Variants in ACBD3 observed in about 807,000 individuals in gnomAD.
The protein encoded by ACBD3 is Golgi resident protein GCP60.
A neutral mutation model predicts 66.9 loss-of-function variants in ACBD3; 30 were observed. The ratio of observed to expected loss-of-function variants is 0.45; its 90% CI spans 0.34 to 0.61. The LOEUF is 0.61. Ranked by LOEUF, ACBD3 falls within the 20% of genes least tolerant of loss-of-function variation. ACBD3 has a pLI of 0.02. For synonymous variants in ACBD3, 278 were observed against 259.8 expected (o/e 1.07, Z -0.68); for missense variants, 544 against 664.5 (o/e 0.82, Z 1.99).
intron 1 of ACBD3, among the ~76,000 whole-genome samples, chr1:226,182,061 T>C (rs1402966280): frequency 6.6e-6 from 1 of 151,800 alleles, no homozygotes; most frequent in African/African-American, 2.4e-5. Context: ...AAGACCTCTG[T>C]CTCTACAAAA....
Position 226,154,818 on chromosome 1 carries a change from G to C in ACBD3, c.919C>G (p.Gln307Glu), listed in dbSNP as rs1346657928. 6.2e-7 allele frequency: 1 copy of C among 1,606,692 alleles called. No homozygotes were observed. Among genetic ancestry groups the C allele is most frequent in the Admixed American group, 1.7e-5 (1 of 58,958 alleles). Reference sequence around the variant, plus strand: ...GACCCAGCCACTACTACTTCCTGTTGTTTCTGTAATGCTGCCTACAAACCA... The same window carrying C: ...GACCCAGCCACTACTACTTCCTGTTCTTTCTGTAATGCTGCCTACAAACCA... ...LAQQQAALQKQQEVVVAGSSL... is the reference protein window; with the variant it reads ...LAQQQAALQKEQEVVVAGSSL... The change falls in exon 6 of 8, where the codon CAA becomes GAA. Residue 307 changes from glutamine to glutamate, a missense_variant. This residue lies in a region of ACBD3 where 383 missense variants were observed against 462.4 expected (regional missense o/e 0.83). Coordinates refer to ENST00000366812, the MANE Select transcript of ACBD3 (RefSeq NM_022735.4).
chr1:226,152,345 C>G lies in ACBD3; in HGVS notation c.1365G>C (p.Glu455Asp), dbSNP rs201638495. The G allele has an allele frequency of 4.0e-4, 642 of 1,613,940 alleles. No homozygotes were observed. The highest frequency in any genetic ancestry group is 1.1e-3 in the Admixed American group (65 of 60,010). The change falls in exon 7 of 8, where the codon GAG (glutamate) becomes GAC (aspartate). Residue 455 changes from glutamate to aspartate, a missense_variant. Physicochemically the swap from Glu to Asp is conservative, Grantham distance 45 (BLOSUM62 2). Transcript: ENST00000366812. Reference protein sequence around the residue: ...VHVSESSDDDEEEEENIGCEE... With the variant: ...VHVSESSDDDDEEEENIGCEE... Reference sequence around the variant, plus strand: ...GACCAAGGGTTCTACCTTCTTCCTCCTCGTCGTCATCGCTGGACTCACTGA... The same window carrying G: ...GACCAAGGGTTCTACCTTCTTCCTCGTCGTCGTCATCGCTGGACTCACTGA...
At chr1:226,181,299 G>A (rs1309279946) in intron 1 of ACBD3, among the ~76,000 whole-genome samples, 1 of 152,166 alleles carries the variant, frequency 6.6e-6, no homozygotes, top group South Asian at 2.1e-4. Flanking sequence ...TGTTTCCAAT[G>A]AATAAATTAC....
intron 1 of ACBD3, among the ~76,000 whole-genome samples, chr1:226,184,050 G>T (rs1644927633): frequency 6.6e-6 from 1 of 152,066 alleles, no homozygotes; most frequent in Non-Finnish European, 1.5e-5. Flanking sequence ...AATTAGCCGG[G>T]CGTGGTGGTG....
At position 226,145,128 on chromosome 1, in the gene ACBD3, T is replaced by C. The variant is rs1659423046; in HGVS notation, c.*1482A>G. 6.6e-6 allele frequency: 1 copy of C among 150,804 alleles called. No homozygotes were observed. Among genetic ancestry groups the C allele is most frequent in the Non-Finnish European group, 1.5e-5 (1 of 67,598 alleles). 9.3% of individuals were successfully genotyped at this position (150,804 alleles called of 1,614,324 possible). A position where few individuals can be genotyped will look rare whatever the true frequency, so the allele number is the denominator to read the frequency against. On this transcript the variant is annotated 3_prime_UTR_variant, in exon 8 of 8. Coordinates refer to ENST00000366812, the MANE Select transcript of ACBD3 (RefSeq NM_022735.4). ...GCTGGGACTACTTCTGAATCAAAAT[T>C]AAAAAACACAAATTAAGCACTGCTT...
rs778350902 is a variant in ACBD3, at chr1:226,152,468, T to C, written c.1242A>G (p.Ser414=). The C allele has an allele frequency of 2.7e-5, 43 of 1,614,088 alleles. No homozygotes were observed. Among genetic ancestry groups the C allele is most frequent in the Middle Eastern group, 3.3e-4 (2 of 6,084 alleles). The part of the protein sequence containing the change: ...TVRVPTHEEG[S]YLFWEFATDN... ...CTGTGGCAAATTCCCAAAAGAGATATGATCCTTCTTCATGGGTGGGTACTC... is the reference window on the plus strand; with the variant it reads ...CTGTGGCAAATTCCCAAAAGAGATACGATCCTTCTTCATGGGTGGGTACTC... Residue 414 remains serine (S), a synonymous_variant, in exon 7 of 8, where the codon TCA becomes TCG. Transcript: ENST00000366812.
At chr1:226,172,232 T>C (rs1655839694) in intron 1 of ACBD3, among the ~76,000 whole-genome samples, 1 of 151,036 alleles carries the variant, frequency 6.6e-6, no homozygotes. Context: ...CTCTGTGAAC[T>C]TCAGTGCTTA....
At chr1:226,184,062 G>A (rs1424093015) in intron 1 of ACBD3, among the ~76,000 whole-genome samples, 5 of 151,060 alleles carry the variant, frequency 3.3e-5, no homozygotes, top group Admixed American at 6.6e-5. Context: ...GTGGTGGTGG[G>A]CACCTGTAGT....
Position 226,154,842 on chromosome 1 carries a change from CA to C in ACBD3, c.904-10del, listed in dbSNP as rs1451067926. The C allele has an allele frequency of 6.9e-6, 11 of 1,594,882 alleles. No homozygotes were observed. The highest frequency in any genetic ancestry group is 9.4e-6 in the Non-Finnish European group (11 of 1,169,628). On this transcript the variant is annotated splice_polypyrimidine_tract_variant and intron_variant, in intron 5 of 7. Transcript: ENST00000366812. ...TGTTTCTGTAATGCTGCCTACAAAC[CA>C]AGAGAAAGTGAAGACACACTGACCA...
intron 7 of ACBD3, among the ~76,000 whole-genome samples, chr1:226,147,037 G>A (rs1054666488): frequency 6.6e-6 from 1 of 152,048 alleles, no homozygotes; most frequent in Non-Finnish European, 1.5e-5. Flanking sequence ...GATTACAGGC[G>A]TGCACCACTA....
intron 1 of ACBD3, among the ~76,000 whole-genome samples, chr1:226,179,987 A>G (rs908432246): frequency 5.3e-5 from 8 of 152,042 alleles, no homozygotes; most frequent in Non-Finnish European, 1.0e-4. Context: ...CCTAGCCAAC[A>G]TAGTGAAACC....
Position 226,164,932 on chromosome 1 carries a change from G to A in ACBD3, c.429-3C>T, listed in dbSNP as rs1442922228. On this transcript the variant is annotated splice_region_variant and splice_polypyrimidine_tract_variant and intron_variant, in intron 2 of 7. Coordinates refer to ENST00000366812, the MANE Select transcript of ACBD3 (RefSeq NM_022735.4). ...TTCCCAGGGCTGCCCATTCTCTCCT[G>A]TAAGGAATAACAAGAAAAGTTACCT... is the stretch of plus-strand genomic sequence containing the variant. The A allele has an allele frequency of 7.1e-6, 11 of 1,549,350 alleles. No homozygotes were observed. The highest frequency in any genetic ancestry group is 1.3e-5 in the South Asian group (1 of 77,528).
chr1:226,169,853 C>G (rs917535143), intron 1 of ACBD3, among the ~76,000 whole-genome samples: 14 of 151,752 alleles, frequency 9.2e-5, no homozygotes, highest in African/African-American at 3.4e-4. Context: ...AAAACCCTCT[C>G]TCTACTAAAA....
chr1:226,161,122 AC>A (rs969334396), intron 4 of ACBD3, among the ~76,000 whole-genome samples: 2 of 146,542 alleles, frequency 1.4e-5, no homozygotes, highest in South Asian at 2.1e-4. Flanking sequence ...CTGCAAGTGA[AC>A]CCCCAAACCT....
intron 1 of ACBD3, among the ~76,000 whole-genome samples, chr1:226,184,470 A>G (rs568182037): frequency 2.0e-5 from 3 of 152,314 alleles, no homozygotes; most frequent in South Asian, 4.1e-4. Context: ...GCCCCAAGTT[A>G]TAAGTTTCCC....
intron 4 of ACBD3, among the ~76,000 whole-genome samples, chr1:226,161,054 G>C (rs1031984556): frequency 6.6e-6 from 1 of 152,012 alleles, no homozygotes; most frequent in Non-Finnish European, 1.5e-5. Flanking sequence ...GAGAAGCAGA[G>C]ACAAGAAACA....
In ACBD3 at chr1:226,154,789, G is replaced by C. The variant is rs765024362; in HGVS notation, c.948C>G (p.Ser316=). The change falls in exon 6 of 8, where the codon TCC becomes TCG. Residue 316 remains serine (S), a synonymous_variant. Coordinates refer to ENST00000366812, the MANE Select transcript of ACBD3 (RefSeq NM_022735.4). Reference sequence around the variant, plus strand: ...CATTCACTTTTGATGATGTAGGCAAGGAAGACCCAGCCACTACTACTTCCT... The same window carrying C: ...CATTCACTTTTGATGATGTAGGCAACGAAGACCCAGCCACTACTACTTCCT... ...KQQEVVVAGS[S]LPTSSKVNAT... The C allele has an allele frequency of 1.4e-5, 22 of 1,612,056 alleles. No individual in the cohort carries two copies. Among genetic ancestry groups the C allele is most frequent in the Non-Finnish European group, 1.5e-5 (18 of 1,179,046 alleles).
At chr1:226,147,114 T>A (rs1659470361) in intron 7 of ACBD3, among the ~76,000 whole-genome samples, 1 of 152,168 alleles carries the variant, frequency 6.6e-6, no homozygotes, top group Non-Finnish European at 1.5e-5. Flanking sequence ...ATTGTCTCAA[T>A]CTCCTGACCT....
Position 226,145,940 on chromosome 1 carries a change from ATC to A in ACBD3, c.*668_*669del, listed in dbSNP as rs1423961305. On this transcript the variant is annotated 3_prime_UTR_variant, in exon 8 of 8. Coordinates refer to ENST00000366812, the MANE Select transcript of ACBD3 (RefSeq NM_022735.4). Reference sequence around the variant, plus strand: ...AGTTTGTGGAAGTTCCTGAAGAAAAATCTCTGAGGTGTTCTACGTATCTTGAT... The same window carrying A: ...AGTTTGTGGAAGTTCCTGAAGAAAAATCTGAGGTGTTCTACGTATCTTGAT... The A allele has an allele frequency of 6.6e-6, 1 of 152,514 alleles. No homozygotes were observed. The highest frequency in any genetic ancestry group is 1.5e-5 in the Non-Finnish European group (1 of 68,040). The allele number at this position is 152,514 out of a possible 1,614,324, so 9.4% of individuals were successfully genotyped here.
Sources: gnomAD v4.1 joint callset for allele counts (sites outside exome capture counted in the v4.1 genomes callset) on GRCh38, gnomAD v4.1.1 for gene constraint, gnomAD v4.1.1 regional missense constraint, MANE v1.5 for transcripts, NCBI Gene and HGNC (gene_info 2026-07-23, HGNC 2026-07-21) for gene names.